The following CBX1 variants were observed in gnomAD, a reference collection of about 807,000 sequenced individuals.
CBX1 encodes chromobox 1, also known as chromobox protein homolog 1.
In CBX1, 10 loss-of-function variants were observed where a neutral mutation model predicts 25.1. The ratio of observed to expected loss-of-function variants is 0.40; its 90% confidence interval spans 0.25 to 0.68. The LOEUF is 0.68. Among genes scored for constraint, CBX1 ranks in the 30% least tolerant of loss-of-function variants. The probability of loss-of-function intolerance (pLI) is 0.40; values close to 1 mark genes in which losing one functional copy is unlikely to be tolerated. For missense variants in CBX1, 106 were observed against 218.5 expected (o/e 0.49, Z 3.25); for synonymous variants, 63 against 79.4 (o/e 0.79, Z 1.10).
At chr17:48,078,481 C>T (rs2037698939) in intron 1 of CBX1, among the ~76,000 whole-genome samples, 1 of 152,000 alleles carries the variant, frequency 6.6e-6, no homozygotes, top group Non-Finnish European at 1.5e-5. Context: ...GCTGAGCCAC[C>T]ATGCCCAGTC....
At chr17:48,078,678 C>A (rs1598305705) in intron 1 of CBX1, among the ~76,000 whole-genome samples, 2 of 151,048 alleles carry the variant, frequency 1.3e-5, no homozygotes, top group Non-Finnish European at 2.9e-5. Flanking sequence ...TTAGAAGAGA[C>A]GGGGTTTAAC....
chr17:48,080,870 G>A (rs1233172680), intron 1 of CBX1, among the ~76,000 whole-genome samples: 13 of 125,994 alleles, frequency 1.0e-4, no homozygotes, highest in African/African-American at 9.1e-5. Flanking sequence ...GCAGTGAGCC[G>A]AGATCGCGCC....
At chr17:48,100,999 G>C (rs1010351628) in intron 1 of CBX1, 26 of 985,736 alleles carry the variant, frequency 2.6e-5, no homozygotes, top group Non-Finnish European at 3.1e-5. Context: ...CCCGAAGAGC[G>C]GCCCCCAAGT....
intron 1 of CBX1, among the ~76,000 whole-genome samples, chr17:48,080,476 G>A (rs9905168): frequency 0.011 from 1,734 of 152,198 alleles, 33 homozygotes; most frequent in African/African-American, 0.04. Flanking sequence ...CCAAGACAAG[G>A]AAGAGTTACG....
intron 1 of CBX1, among the ~76,000 whole-genome samples, chr17:48,082,951 C>G (rs191193077): frequency 6.7e-6 from 1 of 148,780 alleles, no homozygotes; most frequent in East Asian, 1.9e-4. Context: ...ACCACCACCT[C>G]GGCTTCCCAG....
intron 1 of CBX1, among the ~76,000 whole-genome samples, chr17:48,095,264 A>C (rs2063367622): frequency 6.6e-6 from 1 of 152,116 alleles, no homozygotes. Context: ...TGGAACCTGA[A>C]CAAGTTGTTG....
intron 1 of CBX1, chr17:48,100,789 G>C: frequency 1.3e-5 from 13 of 985,288 alleles, no homozygotes; most frequent in Non-Finnish European, 1.6e-5. Context: ...CAATTCACTC[G>C]ACGTTACTCC....
In CBX1 at chr17:48,101,455, C is replaced by T. The variant is rs1394310061; in HGVS notation, c.-225G>A. On this transcript the variant is annotated 5_prime_UTR_variant, in exon 1 of 5. Transcript: ENST00000225603. ...CCCTCAGCCGAACAAAAGAGCCTCG[C>T]AGTCTGCGCTGCCCGCCGCTCGCAC... The T allele has an allele frequency of 5.1e-6, 5 of 985,586 alleles. No homozygotes were observed. Among genetic ancestry groups the T allele is most frequent in the Non-Finnish European group, 6.0e-6 (5 of 830,146 alleles). The allele number at this position is 985,586 out of a possible 1,614,324, so 61.1% of individuals were successfully genotyped here.
At chr17:48,089,495 C>T (rs1391739390) in intron 1 of CBX1, among the ~76,000 whole-genome samples, 1 of 10,844 alleles carries the variant, frequency 9.2e-5, no homozygotes, top group Non-Finnish European at 1.9e-4. Context: ...AACCATATTC[C>T]TCAAGTGAAA....
intron 4 of CBX1, among the ~76,000 whole-genome samples, chr17:48,073,751 G>A (rs991008994): frequency 6.0e-5 from 9 of 149,370 alleles, no homozygotes; most frequent in African/African-American, 1.2e-4. Context: ...CATTGAACCC[G>A]GAGGGGCGGA....
chr17:48,078,308 T>C lies in CBX1; in HGVS notation c.-37-1267A>G, dbSNP rs544584065. On this transcript the variant is annotated intron_variant, in intron 1 of 4. Coordinates refer to ENST00000225603, the MANE Select transcript of CBX1 (RefSeq NM_001127228.2). ...CCTGGGTTCACACCATTTTCCTGCC[T>C]CAGCCTCCTGAGTAGCTGTGACTAC... Among the ~76,000 whole-genome samples the C allele has an allele frequency of 2.4e-3, 363 of 152,064 alleles. 1 individual carries two copies. The highest frequency in any genetic ancestry group is 4.3e-3 in the Non-Finnish European group (290 of 67,974).
rs115195069 is a variant in CBX1 at position 48,096,309 on chromosome 17, T to C, written c.-38+4959A>G. ...AAACTTGGAAAACCCCTTGAGTATG[T>C]TGACATGGATATTTTGACACAGATT... On this transcript the variant is annotated intron_variant, in intron 1 of 4. Coordinates refer to ENST00000225603, the MANE Select transcript of CBX1 (RefSeq NM_001127228.2). The C allele has an allele frequency of 5.5e-4, 542 of 982,074 alleles. No homozygotes were observed. In the African/African-American group the frequency reaches 7.2e-3, roughly 13 times the overall value. 60.8% of individuals were successfully genotyped at this position (982,074 alleles called of 1,614,324 possible). A position where few individuals can be genotyped will look rare whatever the true frequency, so the allele number is the denominator to read the frequency against.
chr17:48,094,434 CA>C (rs879711659), intron 1 of CBX1, among the ~76,000 whole-genome samples: 40 of 126,798 alleles, frequency 3.2e-4, no homozygotes, highest in Non-Finnish European at 4.6e-4. Context: ...ACTCTGTCTC[CA>C]AAAAAAAAAA....
intron 1 of CBX1, chr17:48,088,125 A>T (rs1255763329): frequency 6.6e-6 from 1 of 151,970 alleles, no homozygotes; most frequent in Non-Finnish European, 1.5e-5. Context: ...CCTGGCCAAC[A>T]TAGTGAAACC....
At chr17:48,072,237 C>T (rs1303071523) in intron 4 of CBX1, among the ~76,000 whole-genome samples, 1 of 152,074 alleles carries the variant, frequency 6.6e-6, no homozygotes, top group Non-Finnish European at 1.5e-5. Flanking sequence ...TCTTGAACTC[C>T]TGACATCAGG....
intron 1 of CBX1, among the ~76,000 whole-genome samples, chr17:48,090,806 T>C (rs773051290): frequency 1.5e-4 from 23 of 152,224 alleles, no homozygotes; most frequent in Non-Finnish European, 2.8e-4. Context: ...CATGCTCCTA[T>C]TGTATTCATT....
intron 1 of CBX1, among the ~76,000 whole-genome samples, chr17:48,099,525 T>C (rs554452394): frequency 6.6e-6 from 1 of 152,284 alleles, no homozygotes; most frequent in East Asian, 1.9e-4. Context: ...TTCATTAAGG[T>C]GCCACCGGTT....
chr17:48,080,128 T>C (rs1390225091), intron 1 of CBX1, among the ~76,000 whole-genome samples: 1 of 151,944 alleles, frequency 6.6e-6, no homozygotes, highest in Non-Finnish European at 1.5e-5. Flanking sequence ...CCTACGCCTC[T>C]AGGGTTCAAG....
In CBX1 at chr17:48,083,373, A is replaced by C. The variant is rs533712384; in HGVS notation, c.-37-6332T>G. On this transcript the variant is annotated intron_variant, in intron 1 of 4. Transcript: ENST00000225603. The stretch of plus-strand genomic sequence containing the variant: ...CAGGGGTACCTAGTGGCCTTTCCAG[A>C]ATCCTGTGACACAAACTGGTTTGTT... Among the ~76,000 whole-genome samples, 3 of 150,494 alleles carry C rather than the reference A, an allele frequency of 2.0e-5. No individual in the cohort carries two copies. In the East Asian group the frequency reaches 5.8e-4, roughly 29 times the overall value.
Sources: gnomAD v4.1 joint callset for allele counts (sites outside exome capture counted in the v4.1 genomes callset) on GRCh38, gnomAD v4.1.1 for gene constraint, MANE v1.5 for transcripts, NCBI Gene and HGNC (gene_info 2026-07-23, HGNC 2026-07-21) for gene names.